MYLK4: variants seen among roughly 807,000 people sequenced by gnomAD.
MYLK4 encodes caMLCK like.
Under a neutral mutation model 48.1 loss-of-function variants are expected in MYLK4, and 46 were observed. That is an observed-to-expected ratio of 0.96 (90% CI 0.75 to 1.22). The LOEUF (loss-of-function observed/expected upper bound fraction) is 1.22, where lower values mean the gene tolerates loss of function less well. Among genes scored for constraint, MYLK4 ranks in the 50% most tolerant of loss-of-function variants. MYLK4 has a pLI of 0.00. For synonymous variants in MYLK4, 170 were observed against 180.8 expected, an observed-to-expected ratio of 0.94 and a Z score of 0.48; for missense variants, 451 against 486.1, an observed-to-expected ratio of 0.93 and a Z score of 0.68.
rs1354363969 is a variant in MYLK4, at chr6:2,673,748, G to A, written c.1119+1299C>T. Among the ~76,000 whole-genome samples, 2 of 152,198 alleles carry A rather than the reference G, an allele frequency of 1.3e-5. No homozygotes were observed. The highest frequency in any genetic ancestry group is 2.9e-5 in the Non-Finnish European group (2 of 68,042). On this transcript the variant is annotated intron_variant, in intron 11 of 12. Coordinates refer to ENST00000274643, the MANE Select transcript of MYLK4 (RefSeq NM_001012418.5). The surrounding 1 kb of genome is among the most constrained non-coding windows in gnomAD (Gnocchi z 4.2). ...TTATATAATCCACAATTATTTGGAT[G>A]GAGACAACATGAAGGAGGCAGAGAA...
chr6:2,706,661 C>T (rs1762499556), intron 2 of MYLK4, among the ~76,000 whole-genome samples: 1 of 152,110 alleles, frequency 6.6e-6, no homozygotes, highest in Non-Finnish European at 1.5e-5. Context: ...GGCTTACTTC[C>T]TTGATTGGCA....
intron 4 of MYLK4, among the ~76,000 whole-genome samples, chr6:2,687,494 G>A (rs1472166113): frequency 6.6e-6 from 1 of 152,142 alleles, no homozygotes; most frequent in African/African-American, 2.4e-5. Context: ...CACAAACCCT[G>A]GGAATTCTTT....
At chr6:2,675,195 A>G in intron 10 of MYLK4, 70 bp from the exon 11 acceptor site, 1 of 1,142,444 alleles carries the variant, frequency 8.8e-7, no homozygotes, top group Non-Finnish European at 1.3e-6. Flanking sequence ...GTTCAATCTC[A>G]ACTCCAGCTT....
chr6:2,716,202 C>A (rs6933709), intron 2 of MYLK4, among the ~76,000 whole-genome samples: 129,801 of 152,238 alleles, frequency 0.85, 55,427 homozygotes, highest in Admixed American at 0.89. Context: ...ACCATGTGGT[C>A]AGGACAACTA....
intron 10 of MYLK4, among the ~76,000 whole-genome samples, chr6:2,675,674 GT>G (rs1166829763): frequency 1.3e-5 from 2 of 152,122 alleles, no homozygotes; most frequent in Non-Finnish European, 2.9e-5. Flanking sequence ...GCCAGCAAAG[GT>G]TTATAAGATT....
intron 1 of MYLK4, among the ~76,000 whole-genome samples, chr6:2,750,455 C>A (rs895064136): frequency 1.3e-5 from 2 of 152,070 alleles, no homozygotes; most frequent in African/African-American, 2.4e-5. Flanking sequence ...TCAAATTGCC[C>A]TGAAAAAATT....
chr6:2,706,460 T>C (rs1298352188), intron 2 of MYLK4, among the ~76,000 whole-genome samples: 2 of 152,192 alleles, frequency 1.3e-5, no homozygotes, highest in South Asian at 2.1e-4. Flanking sequence ...GGTGTATGCA[T>C]TTGTCCAAAC....
the MYLK4 span, among the ~76,000 whole-genome samples, chr6:2,767,933 G>GAA: frequency 6.6e-6 from 1 of 152,188 alleles, no homozygotes; most frequent in African/African-American, 2.4e-5. Flanking sequence ...ACAACTTTTA[G>GAA]AAAAGAAAGT....
At chr6:2,769,630 A>C in the MYLK4 span, among the ~76,000 whole-genome samples, 1 of 152,184 alleles carries the variant, frequency 6.6e-6, no homozygotes, top group Non-Finnish European at 1.5e-5. Flanking sequence ...TCTAGGTTTC[A>C]TATTGGACCA....
chr6:2,679,240 G>A (rs1761203282), intron 9 of MYLK4, 40 bp downstream of exon 9: 1 of 1,609,930 alleles, frequency 6.2e-7, no homozygotes, highest in African/African-American at 1.3e-5. Context: ...AAATATGCAT[G>A]GAGTTGGAGA....
At chr6:2,736,632 T>C (rs1561876850) in intron 2 of MYLK4, among the ~76,000 whole-genome samples, 1 of 152,374 alleles carries the variant, frequency 6.6e-6, no homozygotes, top group East Asian at 1.9e-4. Flanking sequence ...AGCTAGACTG[T>C]ATGCCTGGTG....
intron 2 of MYLK4, among the ~76,000 whole-genome samples, chr6:2,695,563 A>G (rs1394821932): frequency 2.6e-5 from 4 of 152,194 alleles, no homozygotes; most frequent in African/African-American, 4.8e-5. Context: ...GTAATTATAT[A>G]TCACATATGT....
chr6:2,693,593 A>T (rs746622911), intron 2 of MYLK4, among the ~76,000 whole-genome samples: 13 of 152,188 alleles, frequency 8.5e-5, no homozygotes, highest in Non-Finnish European at 1.6e-4. Context: ...AAATTATCAC[A>T]ACTTCTAAAG....
intron 2 of MYLK4, among the ~76,000 whole-genome samples, chr6:2,725,404 T>C (rs1763221335): frequency 6.6e-6 from 1 of 150,990 alleles, no homozygotes; most frequent in South Asian, 2.1e-4. Context: ...AGTTCAAGGC[T>C]GCAATGAGCT....
At chr6:2,744,142 AGTGG>A (rs1763990222) in intron 2 of MYLK4, 1 of 18,504 alleles carries the variant, frequency 5.4e-5, no homozygotes, top group Non-Finnish European at 1.2e-4. Flanking sequence ...TGCCCTGAGG[AGTGG>A]GTGTCACCGA....
At chr6:2,732,852 C>T (rs1359198795) in intron 2 of MYLK4, among the ~76,000 whole-genome samples, 2 of 152,234 alleles carry the variant, frequency 1.3e-5, no homozygotes, top group East Asian at 3.8e-4. Flanking sequence ...CCACCTAGCC[C>T]TGGCTGTTCC....
chr6:2,769,811 A>G, the MYLK4 span, among the ~76,000 whole-genome samples: 4 of 152,248 alleles, frequency 2.6e-5, no homozygotes, highest in African/African-American at 9.6e-5. Context: ...AGCCTTTGGT[A>G]GAAGATGGTT....
At position 2,685,421 on chromosome 6, in the gene MYLK4, C is replaced by T. The variant is rs766440371; in HGVS notation, c.436-16G>A. ...TCACCTCCTCCTGAGAAGCAGGAAA[C>T]AGTGCATTAGTGTGGTCAAGATGGG... On this transcript the variant is annotated splice_polypyrimidine_tract_variant and intron_variant, in intron 5 of 12. Coordinates refer to ENST00000274643, the MANE Select transcript of MYLK4 (RefSeq NM_001012418.5). This position sits in a 1 kb window ranked among gnomAD's most constrained non-coding sequence, Gnocchi z 4.5. 1 of 1,602,342 alleles carries T rather than the reference C, an allele frequency of 6.2e-7. No individual in the cohort carries two copies. Among genetic ancestry groups the T allele is most frequent in the Non-Finnish European group, 8.5e-7 (1 of 1,171,680 alleles).
At chr6:2,763,015 G>A in the MYLK4 span, among the ~76,000 whole-genome samples, 10 of 152,268 alleles carry the variant, frequency 6.6e-5, no homozygotes, top group South Asian at 6.2e-4. Flanking sequence ...AGCCAAGCGG[G>A]TCTCCATCGC....
Sources: gnomAD v4.1 joint callset for allele counts (sites outside exome capture counted in the v4.1 genomes callset) on GRCh38, gnomAD v4.1.1 for gene constraint, Gnocchi (gnomAD v3.1) non-coding constraint, MANE v1.5 for transcripts, NCBI Gene and HGNC (gene_info 2026-07-23, HGNC 2026-07-21) for gene names.